Variants in ANXA7 observed in about 807,000 individuals in gnomAD.
ANXA7 encodes annexin VII.
In ANXA7, 55 loss-of-function variants were observed where a neutral mutation model predicts 64.9. The ratio of observed to expected loss-of-function variants is 0.85; its 90% confidence interval spans 0.68 to 1.06. The LOEUF (loss-of-function observed/expected upper bound fraction) is 1.06. ANXA7 is among the 50% of genes least tolerant of loss of function. The probability of loss-of-function intolerance (pLI) is 0.00; values close to 1 mark genes in which losing one functional copy is unlikely to be tolerated. For missense variants in ANXA7, 548 were observed against 582.1 expected, an observed-to-expected ratio of 0.94 and a Z score of 0.60; for synonymous variants, 200 against 192.4, an observed-to-expected ratio of 1.04 and a Z score of -0.33.
intron 5 of ANXA7, among the ~76,000 whole-genome samples, chr10:73,393,133 G>A (rs1045836315): frequency 6.6e-6 from 1 of 152,010 alleles, no homozygotes; most frequent in East Asian, 1.9e-4. Context: ...TACATAGGAA[G>A]CCAACTTACA....
intron 5 of ANXA7, chr10:73,395,786 CA>C (rs10718150): frequency 0.26 from 103,035 of 398,764 alleles, 1,067 homozygotes; most frequent in East Asian, 0.35. Flanking sequence ...AACTCCATCT[CA>C]AAAAAAAAAA....
intron 1 of ANXA7, chr10:73,408,149 T>C (rs1383299983): frequency 6.6e-6 from 1 of 152,156 alleles, no homozygotes; most frequent in Non-Finnish European, 1.5e-5. Flanking sequence ...TAAGACCTCG[T>C]CCCTACAAAA....
At chr10:73,392,428 T>A (rs897302467) in intron 5 of ANXA7, among the ~76,000 whole-genome samples, 17 of 152,152 alleles carry the variant, frequency 1.1e-4, no homozygotes, top group African/African-American at 4.1e-4. Flanking sequence ...ATATCCCTGA[T>A]GAACATCGAT....
chr10:73,385,553 T>C (rs1564523832), intron 7 of ANXA7, among the ~76,000 whole-genome samples: 1 of 152,096 alleles, frequency 6.6e-6, no homozygotes, highest in African/African-American at 2.4e-5. Flanking sequence ...GACTCAAAGA[T>C]GACTATAGCA....
chr10:73,397,820 T>C (rs917810719), intron 3 of ANXA7, among the ~76,000 whole-genome samples: 6 of 152,228 alleles, frequency 3.9e-5, no homozygotes, highest in African/African-American at 1.4e-4. Flanking sequence ...GGTTTTTTTG[T>C]TGTTTTTTGG....
chr10:73,390,705 TATATATATATATATAA>T (rs1413306663), intron 5 of ANXA7, among the ~76,000 whole-genome samples: 1 of 134,198 alleles, frequency 7.5e-6, no homozygotes, highest in African/African-American at 3.1e-5. Context: ...TATATATATA[TATATATATATATATAA>T]AAATATATAT....
intron 1 of ANXA7, among the ~76,000 whole-genome samples, chr10:73,413,106 G>A (rs1331644757): frequency 1.3e-5 from 2 of 152,160 alleles, no homozygotes; most frequent in Non-Finnish European, 1.5e-5. Context: ...AAAGAACATG[G>A]AGGCATGGCT....
chr10:73,407,147 G>A (rs1407255147), intron 1 of ANXA7, among the ~76,000 whole-genome samples: 1 of 152,062 alleles, frequency 6.6e-6, no homozygotes, highest in Non-Finnish European at 1.5e-5. Flanking sequence ...CACAATCTCG[G>A]GTCACTGCAG....
chr10:73,393,567 C>A lies in ANXA7; in HGVS notation c.435+2952G>T, dbSNP rs551069330. Among the ~76,000 whole-genome samples the A allele has an allele frequency of 8.0e-4, 121 of 152,196 alleles. 1 individual carries two copies. The South Asian group carries it at 0.014, about 17-fold the overall frequency. ...AGAAGTAATACCACACATCTACAAC[C>A]ATCTGATCTTTGACAAACCTGACAA... On this transcript the variant is annotated intron_variant, in intron 5 of 12. Coordinates refer to ENST00000372921, the MANE Select transcript of ANXA7 (RefSeq NM_001156.5).
At position 73,400,882 on chromosome 10, in the gene ANXA7, T is replaced by C. The variant is rs368644940; in HGVS notation, c.-1-25A>G. 7 of 1,570,826 alleles carry C rather than the reference T, an allele frequency of 4.5e-6. No individual in the cohort carries two copies. The Admixed American group carries it at 7.4e-5, about 17-fold the overall frequency. ...TCTGTAACAACAATAAAAAATGTCC[T>C]CTGTAAGTTTTTTGTTGTTTTGTTT... On this transcript the variant is annotated intron_variant, in intron 1 of 12. Transcript: ENST00000372921.
intron 5 of ANXA7, among the ~76,000 whole-genome samples, 172 bp downstream of exon 5, chr10:73,396,347 C>T (rs1447854486): frequency 6.6e-6 from 1 of 152,124 alleles, no homozygotes; most frequent in African/African-American, 2.4e-5. Flanking sequence ...GTCATCAGGA[C>T]ACTATTAAAG....
rs139109341 is a variant in ANXA7, at chr10:73,412,032, T to C, written c.-2+1980A>G. 5.3e-4 allele frequency among the ~76,000 whole-genome samples: 81 copies of C among 152,192 alleles called. No individual in the cohort carries two copies. The East Asian group carries it at 0.015, about 29-fold the overall frequency. On this transcript the variant is annotated intron_variant, in intron 1 of 12. Coordinates refer to ENST00000372921, the MANE Select transcript of ANXA7 (RefSeq NM_001156.5). ...AGCTGGGACACAATGGAGAAGACTA[T>C]TTACCTTTCTTTTTTCTTTTTTTGA... is the stretch of plus-strand genomic sequence containing the variant.
At chr10:73,389,115 A>G (rs757091698) in intron 5 of ANXA7, among the ~76,000 whole-genome samples, 43 of 152,362 alleles carry the variant, frequency 2.8e-4, no homozygotes, top group Admixed American at 1.2e-3. Context: ...TAAGTCAATA[A>G]TAAGTGTCTC....
rs368568713 is a variant in ANXA7, at chr10:73,406,513, A to G, written c.-1-5656T>C. Among the ~76,000 whole-genome samples, 18 of 152,352 alleles carry G rather than the reference A, an allele frequency of 1.2e-4. No homozygotes were observed. In the East Asian group the frequency reaches 2.3e-3, roughly 20 times the overall value. On this transcript the variant is annotated intron_variant, in intron 1 of 12. Coordinates refer to ENST00000372921, the MANE Select transcript of ANXA7 (RefSeq NM_001156.5). ...ATCAATGACTACTGCTGGAGTATCA[A>G]ATGAAAATTAATTGGCCTGATATAC... is the stretch of plus-strand genomic sequence containing the variant.
intron 1 of ANXA7, among the ~76,000 whole-genome samples, chr10:73,403,322 C>T (rs2055701947): frequency 6.6e-6 from 1 of 152,156 alleles, no homozygotes; most frequent in Admixed American, 6.5e-5. Context: ...GACCTCATCT[C>T]TACAAAAAGT....
chr10:73,394,695 C>T (rs899274110), intron 5 of ANXA7, among the ~76,000 whole-genome samples: 10 of 152,090 alleles, frequency 6.6e-5, no homozygotes, highest in African/African-American at 2.4e-4. Context: ...GAACATCACA[C>T]ACCAGGGACT....
chr10:73,391,726 A>T (rs1277304768), intron 5 of ANXA7, among the ~76,000 whole-genome samples: 1 of 151,968 alleles, frequency 6.6e-6, no homozygotes, highest in Non-Finnish European at 1.5e-5. Context: ...TAAGACAAAA[A>T]TTTTTTTTAC....
chr10:73,388,258 T>C (rs1011669430), intron 6 of ANXA7, 54 bp downstream of exon 6: 2 of 1,350,920 alleles, frequency 1.5e-6, no homozygotes, highest in African/African-American at 2.9e-5. Context: ...TTATTTTTAC[T>C]TTAGAACTGA....
intron 1 of ANXA7, among the ~76,000 whole-genome samples, chr10:73,409,616 C>T (rs532549314): frequency 3.9e-4 from 60 of 152,190 alleles, no homozygotes; most frequent in African/African-American, 1.4e-3. Context: ...AGATTCAATG[C>T]GATTCCCATC....
Sources: gnomAD v4.1 joint callset for allele counts (sites outside exome capture counted in the v4.1 genomes callset) on GRCh38, gnomAD v4.1.1 for gene constraint, MANE v1.5 for transcripts, NCBI Gene and HGNC (gene_info 2026-07-23, HGNC 2026-07-21) for gene names.